The following ENTPD6 variants were observed in gnomAD, a reference collection of about 807,000 sequenced individuals.
ENTPD6 encodes ectonucleoside triphosphate diphosphohydrolase 6, also known as CD39 antigen-like 2.
Under a neutral mutation model 61.5 loss-of-function variants are expected in ENTPD6, and 46 were observed. That is an observed-to-expected ratio of 0.75 (90% CI 0.59 to 0.96). ENTPD6 has a LOEUF of 0.96. ENTPD6 is among the 40% of genes least tolerant of loss of function. The probability of loss-of-function intolerance (pLI) is 0.00; values close to 1 mark genes in which losing one functional copy is unlikely to be tolerated. For missense variants in ENTPD6, 612 were observed against 629.0 expected (o/e 0.97, Z 0.29); for synonymous variants, 252 against 255.5 (o/e 0.99, Z 0.13).
chr20:25,215,191 A>G (rs975848248), intron 6 of ENTPD6, among the ~76,000 whole-genome samples: 1 of 152,240 alleles, frequency 6.6e-6, no homozygotes, highest in African/African-American at 2.4e-5. Context: ...CAAACCTGGC[A>G]TGAATGAAGC....
rs998413330 is a variant in ENTPD6, at chr20:25,227,268, C to T, written c.*1671C>T. Among the ~76,000 whole-genome samples, 5 of 152,358 alleles carry T rather than the reference C, an allele frequency of 3.3e-5. No homozygotes were observed. The highest frequency in any genetic ancestry group is 3.3e-4 in the Admixed American group (5 of 15,308). On this transcript the variant is annotated 3_prime_UTR_variant, in exon 15 of 15. Coordinates refer to ENST00000376652, the MANE Select transcript of ENTPD6 (RefSeq NM_001247.5). Reference sequence around the variant, plus strand: ...CAAAAGACAAAAAGAGGAACAGTTTCCTCCCTCCCGCCTGGGCTGGGTCCC... The same window carrying T: ...CAAAAGACAAAAAGAGGAACAGTTTTCTCCCTCCCGCCTGGGCTGGGTCCC...
rs2092798208 is a variant in ENTPD6 at position 25,226,536 on chromosome 20, T to G, written c.*939T>G. 6.5e-6 allele frequency: 1 copy of G among 152,712 alleles called. No homozygotes were observed. Among genetic ancestry groups the G allele is most frequent in the African/African-American group, 2.4e-5 (1 of 41,392 alleles). 9.5% of individuals were successfully genotyped at this position (152,712 alleles called of 1,614,324 possible). ...AAGCTCTCGGTGTCTCGGGCCACCA[T>G]CCGCCCACCTCGGGCTGACCCCACC... On this transcript the variant is annotated 3_prime_UTR_variant, in exon 15 of 15. Transcript: ENST00000376652.
At position 25,207,137 on chromosome 20, in the gene ENTPD6, G is replaced by A. The variant is rs369864358; in HGVS notation, c.116G>A (p.Arg39Gln). 59 of 1,613,728 alleles carry A rather than the reference G, an allele frequency of 3.7e-5. No individual in the cohort carries two copies. The highest frequency in any genetic ancestry group is 6.7e-5 in the African/African-American group (5 of 74,918). Residue 39 changes from arginine (R) to glutamine (Q), a missense_variant, in exon 3 of 15, where the codon CGG (arginine) becomes CAG (glutamine). Coordinates refer to ENST00000376652, the MANE Select transcript of ENTPD6 (RefSeq NM_001247.5). ...MRKISNHGSL[R>Q]VAKVAYPLGL... is the part of the protein sequence containing the mutation. ...AAAATATCCAACCACGGGAGCCTGC[G>A]GGTGGCGAAGGTGGCATACCCCCTG...
At chr20:25,216,381 C>T (rs753447821) in intron 7 of ENTPD6, among the ~76,000 whole-genome samples, 3 of 152,176 alleles carry the variant, frequency 2.0e-5, no homozygotes, top group Non-Finnish European at 4.4e-5. Context: ...GCTAAGCCAG[C>T]GGCCTCCCTC....
chr20:25,225,084 CTG>C lies in ENTPD6; in HGVS notation c.1244-118_1244-117del. The C allele has an allele frequency of 4.1e-6, 6 of 1,453,998 alleles. No homozygotes were observed. The Middle Eastern group carries it at 7.4e-4, about 179-fold the overall frequency. 90.1% of individuals were successfully genotyped at this position (1,453,998 alleles called of 1,614,324 possible). A position where few individuals can be genotyped will look rare whatever the true frequency, so the allele number is the denominator to read the frequency against. ...CTTCTGCGCTCAGCTGCGGCCTTGT[CTG>C]TGAATCCGGAGTGCGGAGCCAGCGG... is the stretch of plus-strand genomic sequence containing the variant. On this transcript the variant is annotated intron_variant, in intron 13 of 14. Coordinates refer to ENST00000376652, the MANE Select transcript of ENTPD6 (RefSeq NM_001247.5).
chr20:25,225,691 CA>C lies in ENTPD6; in HGVS notation c.*95del. The C allele has an allele frequency of 1.2e-5, 13 of 1,073,594 alleles. No homozygotes were observed. Among genetic ancestry groups the C allele is most frequent in the Non-Finnish European group, 1.8e-5 (13 of 720,988 alleles). 66.5% of individuals were successfully genotyped at this position (1,073,594 alleles called of 1,614,324 possible). A position where few individuals can be genotyped will look rare whatever the true frequency, so the allele number is the denominator to read the frequency against. The stretch of plus-strand genomic sequence containing the variant: ...GACTTCATCCTGAGGAGCCACAGCA[CA>C]GGCCGTGCTGGCACTTTCTGCACAC... On this transcript the variant is annotated 3_prime_UTR_variant, in exon 15 of 15. Transcript: ENST00000376652.
intron 1 of ENTPD6, among the ~76,000 whole-genome samples, chr20:25,204,634 A>G (rs1040955765): frequency 1.3e-5 from 2 of 152,108 alleles, no homozygotes; most frequent in Admixed American, 6.5e-5. Flanking sequence ...CATTTCCCTG[A>G]CTTCCTATCT....
At chr20:25,202,551 C>T (rs1238408881) in intron 1 of ENTPD6, among the ~76,000 whole-genome samples, 1 of 152,146 alleles carries the variant, frequency 6.6e-6, no homozygotes, top group Non-Finnish European at 1.5e-5. Flanking sequence ...ATGCTACAGA[C>T]ATTTCCATTG....
In ENTPD6 at chr20:25,216,680, G is replaced by A. The variant is rs778193404; in HGVS notation, c.742G>A (p.Gly248Ser). ...GAAAACTCCAGGAGGGAGCAGCGTG[G>A]GCATGCTGGACTTGGGCGGAGGATC... ...SLKTPGGSSV[G>S]MLDLGGGSTQ... Residue 248 changes from glycine to serine, a missense_variant, in exon 8 of 15, where the codon GGC becomes AGC. Physicochemically the swap from Gly to Ser is moderately conservative, Grantham distance 56. Transcript: ENST00000376652. 13 of 1,607,812 alleles carry A rather than the reference G, an allele frequency of 8.1e-6. No homozygotes were observed. The highest frequency in any genetic ancestry group is 1.1e-5 in the Non-Finnish European group (13 of 1,177,716).
At chr20:25,218,466 C>T (rs1332891002) in intron 9 of ENTPD6, 84 bp from the exon 10 acceptor site, 4 of 1,285,372 alleles carry the variant, frequency 3.1e-6, no homozygotes, top group South Asian at 2.5e-5. Context: ...CCCCCTTCCC[C>T]ACTCGGGCTG....
chr20:25,213,959 A>G (rs2092149394), intron 5 of ENTPD6, among the ~76,000 whole-genome samples: 2 of 152,218 alleles, frequency 1.3e-5, no homozygotes, highest in African/African-American at 4.8e-5. Context: ...CAAAAAAATA[A>G]ATAAAAGCGC....
intron 11 of ENTPD6, chr20:25,221,780 T>C (rs2074416737): frequency 3.9e-6 from 1 of 259,728 alleles, no homozygotes; most frequent in Non-Finnish European, 7.6e-6. Flanking sequence ...TTGCAGTTTC[T>C]TCTGAGAGAA....
In ENTPD6 at chr20:25,213,350, G is replaced by A. The variant is rs199643520; in HGVS notation, c.541G>A (p.Ala181Thr). 1.1e-5 allele frequency: 18 copies of A among 1,614,176 alleles called. No homozygotes were observed. Among genetic ancestry groups the A allele is most frequent in the African/African-American group, 2.7e-5 (2 of 75,060 alleles). ...GAAGGCCACCCCTCTGGTCCTCAAG[G>A]CCACAGCTGGCTTACGCCTGTTACC... ...FWKATPLVLK[A>T]TAGLRLLPGE... The change falls in exon 5 of 15, where the codon GCC becomes ACC. Residue 181 changes from alanine to threonine, a missense_variant. Physicochemically the swap from Ala to Thr is moderately conservative, Grantham distance 58 (BLOSUM62 0). Coordinates refer to ENST00000376652, the MANE Select transcript of ENTPD6 (RefSeq NM_001247.5).
At chr20:25,215,853 G>A (rs2092283284) in intron 7 of ENTPD6, 142 bp downstream of exon 7, 2 of 898,658 alleles carry the variant, frequency 2.2e-6, no homozygotes, top group Admixed American at 3.8e-5. Flanking sequence ...CTGACCATAG[G>A]GTGTTGGGGA....
rs1327402355 is a variant in ENTPD6, at chr20:25,225,498, GCTCA to G, written c.1360_1363del (p.Thr454GlyfsTer22). On this transcript the variant is annotated frameshift_variant and splice_region_variant, in exon 15 of 15. Coordinates refer to ENST00000376652, the MANE Select transcript of ENTPD6 (RefSeq NM_001247.5). LOFTEE classifies it high-confidence loss of function. ...CCCCTCTCCCTCTCTGTCTTTTCAA[GCTCA>G]CTCGGAAAATTGACAATGTTGAGAC... 1 of 1,613,532 alleles carries G rather than the reference GCTCA, an allele frequency of 6.2e-7. No individual in the cohort carries two copies. The highest frequency in any genetic ancestry group is 2.2e-5 in the East Asian group (1 of 44,884).
Position 25,217,504 on chromosome 20 carries a change from C to T in ENTPD6, c.801C>T (p.Gly267=), listed in dbSNP as rs145966134. 8.2e-5 allele frequency: 132 copies of T among 1,613,982 alleles called. 2 individuals carry two copies. The Middle Eastern group carries it at 2.1e-3, about 26-fold the overall frequency. Residue 267 remains glycine, a splice_region_variant and synonymous_variant, in exon 9 of 15, where the codon GGC becomes GGT. Coordinates refer to ENST00000376652, the MANE Select transcript of ENTPD6 (RefSeq NM_001247.5). ...TQIAFLPRVE[G]TLQASPPGYL... is the part of the protein sequence containing the mutation. Reference sequence around the variant, plus strand: ...TAGTTACCCTCGTTCTTCTCCAGGGCACCCTGCAGGCCTCCCCACCCGGCT... The same window carrying T: ...TAGTTACCCTCGTTCTTCTCCAGGGTACCCTGCAGGCCTCCCCACCCGGCT...
intron 3 of ENTPD6, among the ~76,000 whole-genome samples, chr20:25,207,678 A>G (rs189886643): frequency 1.3e-5 from 2 of 152,316 alleles, no homozygotes; most frequent in Non-Finnish European, 2.9e-5. Context: ...GGCTAGGACC[A>G]TGATTTAGGC....
chr20:25,206,179 A>C (rs1025464967), intron 1 of ENTPD6, among the ~76,000 whole-genome samples: 3 of 152,226 alleles, frequency 2.0e-5, no homozygotes, highest in African/African-American at 7.2e-5. Flanking sequence ...TGTCACACGT[A>C]GCTGCGGGCA....
At position 25,217,579 on chromosome 20, in the gene ENTPD6, C is replaced by G; in HGVS notation, c.876C>G (p.Tyr292Ter). ...MFNRTYKLYS[Y>*]SYLGLGLMSA... ...ACAGGACCTACAAGCTCTATTCCTA[C>G]AGGTCTGCTTTCGGGAACAGGCGTG... Residue 292 changes from tyrosine (Y) to a stop codon, truncating the protein, a stop_gained and splice_region_variant, in exon 9 of 15, where the codon TAC becomes TAG. Coordinates refer to ENST00000376652, the MANE Select transcript of ENTPD6 (RefSeq NM_001247.5). LOFTEE classifies it high-confidence loss of function. 1 of 1,614,072 alleles carries G rather than the reference C, an allele frequency of 6.2e-7. No individual in the cohort carries two copies. Among genetic ancestry groups the G allele is most frequent in the South Asian group, 1.1e-5 (1 of 91,072 alleles).
Sources: gnomAD v4.1 joint callset for allele counts (sites outside exome capture counted in the v4.1 genomes callset) on GRCh38, gnomAD v4.1.1 for gene constraint, MANE v1.5 for transcripts, NCBI Gene and HGNC (gene_info 2026-07-23, HGNC 2026-07-21) for gene names.